BRF1: variants seen among roughly 807,000 people sequenced by gnomAD.
BRF1 encodes the protein transcription factor IIIB 90 kDa subunit.
BRF1 carries 59 observed loss-of-function variants against 81.7 expected under a neutral mutation model. That is an observed-to-expected ratio of 0.72 (90% CI 0.59 to 0.90). BRF1 has a LOEUF of 0.90. BRF1 is among the 40% of genes least tolerant of loss of function. The probability of loss-of-function intolerance (pLI) is 0.00; values close to 1 mark genes in which losing one functional copy is unlikely to be tolerated. For missense variants in BRF1, 1,050 were observed against 936.3 expected (o/e 1.12, Z -1.58); for synonymous variants, 491 against 395.6 (o/e 1.24, Z -2.86).
intron 4 of BRF1, among the ~76,000 whole-genome samples, chr14:105,253,467 C>T (rs1056268700): frequency 1.3e-5 from 2 of 152,242 alleles, no homozygotes; most frequent in African/African-American, 4.8e-5. Flanking sequence ...CAAAGAATTC[C>T]CTCGCCTGAC....
chr14:105,262,819 G>A (rs941239493), intron 3 of BRF1, among the ~76,000 whole-genome samples: 7 of 152,086 alleles, frequency 4.6e-5, no homozygotes, highest in Non-Finnish European at 8.8e-5. Context: ...GTCTCAGCTC[G>A]GGCCTCCTTC....
upstream of BRF1, among the ~76,000 whole-genome samples, chr14:105,301,489 C>T (rs2058024923): frequency 6.6e-6 from 1 of 151,444 alleles, no homozygotes; most frequent in Non-Finnish European, 1.5e-5. Flanking sequence ...TGGGACCCAA[C>T]CCCGGGCTCT....
intron 6 of BRF1, among the ~76,000 whole-genome samples, 191 bp downstream of exon 6, chr14:105,241,074 C>G (rs1429994394): frequency 6.6e-6 from 1 of 152,232 alleles, no homozygotes; most frequent in East Asian, 1.9e-4. Flanking sequence ...ACGCAGAGGC[C>G]AACGGGGCAG....
intron 6 of BRF1, among the ~76,000 whole-genome samples, chr14:105,229,394 T>A (rs144791366): frequency 1.3e-5 from 2 of 152,204 alleles, no homozygotes; most frequent in African/African-American, 4.8e-5. Context: ...TCAGGTGGAC[T>A]GAATCCTGCA....
At chr14:105,247,512 T>C (rs1595372971) in intron 5 of BRF1, 2 of 984,450 alleles carry the variant, frequency 2.0e-6, no homozygotes, top group East Asian at 2.3e-4. Context: ...TCCTGGAGAG[T>C]CCTTTGTTGA....
rs587693522 is a variant in BRF1 at position 105,312,235 on chromosome 14, C to T, written c.-162+3087G>A. Among the ~76,000 whole-genome samples the T allele has an allele frequency of 2.5e-4, 38 of 152,342 alleles. 1 individual carries two copies. Among genetic ancestry groups the T allele is most frequent in the African/African-American group, 8.2e-4 (34 of 41,580 alleles). ...AGCCAGGCGGACAGAGGAAAGGCCT[C>T]GGCCCATCCTGTCCCATGACTGGGG... On this transcript the variant is annotated intron_variant, in intron 1 of 17. Transcript: ENST00000327359.
Position 105,229,245 on chromosome 14 carries a change from A to C in BRF1, c.695-332T>G, listed in dbSNP as rs373810743. 3.6e-4 allele frequency among the ~76,000 whole-genome samples: 55 copies of C among 152,228 alleles called. No individual in the cohort carries two copies. In the East Asian group the frequency reaches 0.011, roughly 29 times the overall value. On this transcript the variant is annotated intron_variant, in intron 6 of 17. Transcript: ENST00000547530. ...ACACAGCTTGTGATGGGAGCTGGGG[A>C]CTCTGAGGATGCGGAGCCAGGCTGG...
At chr14:105,222,754 G>T (rs1312497180) in intron 10 of BRF1, among the ~76,000 whole-genome samples, 3 of 151,918 alleles carry the variant, frequency 2.0e-5, no homozygotes, top group African/African-American at 7.3e-5. Flanking sequence ...TCAGCCTCCT[G>T]AGTAGCTGGG....
chr14:105,310,533 CAAAAA>C (rs764203821), intron 1 of BRF1, among the ~76,000 whole-genome samples: 7 of 79,742 alleles, frequency 8.8e-5, no homozygotes. Context: ...GACTCTGTCT[CAAAAA>C]AAAAAAAAAA....
chr14:105,292,872 C>T (rs943601278), intron 1 of BRF1, among the ~76,000 whole-genome samples: 6 of 151,918 alleles, frequency 3.9e-5, no homozygotes, highest in African/African-American at 1.5e-4. Flanking sequence ...CACATCCCCT[C>T]CCCAGGTCCA....
chr14:105,217,394 C>T (rs1891505722), intron 15 of BRF1, 150 bp downstream of exon 15: 2 of 1,262,730 alleles, frequency 1.6e-6, no homozygotes, highest in African/African-American at 1.5e-5. Context: ...CCGGAGAAGG[C>T]CCACCAGTCC....
Position 105,209,693 on chromosome 14 carries a change from T to G in BRF1, c.*858A>C. 1 of 642,994 alleles carries G rather than the reference T, an allele frequency of 1.6e-6. No individual in the cohort carries two copies. The highest frequency in any genetic ancestry group is 1.7e-5 in the South Asian group (1 of 57,784). 39.8% of individuals were successfully genotyped at this position (642,994 alleles called of 1,614,324 possible). A position where few individuals can be genotyped will look rare whatever the true frequency, so the allele number is the denominator to read the frequency against. ...GCTCTGACAGGGAGCGCCACTGCCC[T>G]CTGGCTCTGTCCACGGGGAACTCCC... On this transcript the variant is annotated 3_prime_UTR_variant, in exon 18 of 18. Transcript: ENST00000547530.
chr14:105,297,735 G>A (rs369409779), intron 1 of BRF1, among the ~76,000 whole-genome samples: 4 of 151,764 alleles, frequency 2.6e-5, no homozygotes, highest in East Asian at 3.9e-4. Context: ...AGTGGCTCAC[G>A]CTGGTAAACC....
At chr14:105,243,017 G>C (rs1385130799) in intron 5 of BRF1, among the ~76,000 whole-genome samples, 2 of 152,056 alleles carry the variant, frequency 1.3e-5, no homozygotes, top group African/African-American at 4.8e-5. Flanking sequence ...TTGGGAGGCT[G>C]AGGCAGGAGA....
chr14:105,212,164 C>A lies in BRF1; in HGVS notation c.1773G>T (p.Arg591Ser). Residue 591 changes from arginine to serine, a missense_variant and splice_region_variant, in exon 16 of 18, where the codon AGG becomes AGT. Around this residue, in one of 2 missense-constraint regions of BRF1, gnomAD observed 1,043 missense variants for 915.4 expected, o/e 1.14. Coordinates refer to ENST00000547530, the MANE Select transcript of BRF1 (RefSeq NM_001519.4). ...GCTGCGTAGACACCAGAGGCCTCAA[C>A]CTGCAAAAGGAAGCACAGCATGGCG... ...GADPVTSVGK[R>S]LRPLVSTQPA... is the part of the protein sequence containing the mutation. 6.2e-7 allele frequency: 1 copy of A among 1,612,032 alleles called. No individual in the cohort carries two copies.
intron 7 of BRF1, chr14:105,227,860 G>A (rs2054106165): frequency 6.6e-6 from 1 of 152,214 alleles, no homozygotes; most frequent in South Asian, 2.1e-4. Context: ...AAATGCCACA[G>A]GACACAATCT....
In BRF1 at chr14:105,216,991, C is replaced by T. The variant is rs866145625; in HGVS notation, c.1772+553G>A. ...AGAGCCTGCAGCCGCCACCCAGCGG[C>T]AAGCTGTGCACAGAGGCCGACCCAC... On this transcript the variant is annotated intron_variant, in intron 15 of 17. Coordinates refer to ENST00000547530, the MANE Select transcript of BRF1 (RefSeq NM_001519.4). Among the ~76,000 whole-genome samples, 9 of 152,334 alleles carry T rather than the reference C, an allele frequency of 5.9e-5. 1 individual carries two copies. The Middle Eastern group carries it at 0.017, about 288-fold the overall frequency.
At chr14:105,286,440 A>G in intron 1 of BRF1, 64 bp from the exon 2 acceptor site, 1 of 1,500,694 alleles carries the variant, frequency 6.7e-7, no homozygotes, top group South Asian at 1.2e-5. Flanking sequence ...ACCCTTTCCT[A>G]ACATCCACAG....
At chr14:105,241,460 C>G (rs889751124) in intron 5 of BRF1, 46 bp from the exon 6 acceptor site, 1 of 1,604,278 alleles carries the variant, frequency 6.2e-7, no homozygotes, top group Non-Finnish European at 8.5e-7. Flanking sequence ...TGTGCCATGG[C>G]ACGTGCACAG....
Sources: allele counts gnomAD v4.1 joint callset (sites outside exome capture counted in the v4.1 genomes callset), GRCh38; gene constraint gnomAD v4.1.1; regional missense constraint gnomAD v4.1.1; transcripts MANE v1.5; gene names NCBI Gene and HGNC (gene_info 2026-07-23, HGNC 2026-07-21).